The following MDFIC2 variants were observed in gnomAD, a reference collection of about 807,000 sequenced individuals.
MDFIC2 encodes the protein MyoD family inhibitor domain containing 2.
chr3:70,297,532 A>G (rs1702302075), intron 2 of MDFIC2, among the ~76,000 whole-genome samples: 2 of 152,152 alleles, frequency 1.3e-5, no homozygotes, highest in Non-Finnish European at 2.9e-5. Flanking sequence ...ATGAAGGCTT[A>G]TTATTGCATA....
rs145155593 is a variant in MDFIC2, at chr3:70,243,708, A to T, written c.89-36918T>A. ...CAGGTATTCCTAACGTCCCCTGGGGAGTGAAATCACCCTCAGTTGGGCATC... is the reference window on the plus strand; with the variant it reads ...CAGGTATTCCTAACGTCCCCTGGGGTGTGAAATCACCCTCAGTTGGGCATC... On this transcript the variant is annotated intron_variant, in intron 2 of 3. Transcript: ENST00000567252. Among the ~76,000 whole-genome samples the T allele has an allele frequency of 5.4e-3, 821 of 152,186 alleles. 4 individuals are homozygous for T. Among genetic ancestry groups the T allele is most frequent in the African/African-American group, 0.019 (780 of 41,518 alleles).
rs1374206707 is a variant in MDFIC2 at position 70,285,658 on chromosome 3, G to C, written c.88+26228C>G. ...ACTGACTTCCACAATGGTTGAACTA[G>C]TTTACAGTCCCACCAACAGTGTAAA... On this transcript the variant is annotated intron_variant, in intron 2 of 3. Transcript: ENST00000567252. Among the ~76,000 whole-genome samples, 4 of 150,236 alleles carry C rather than the reference G, an allele frequency of 2.7e-5. No homozygotes were observed. In the East Asian group the frequency reaches 7.9e-4, roughly 30 times the overall value.
chr3:70,304,030 A>C (rs1321315443), intron 2 of MDFIC2, among the ~76,000 whole-genome samples: 1 of 152,166 alleles, frequency 6.6e-6, no homozygotes, highest in Admixed American at 6.6e-5. Context: ...GTTTACTACA[A>C]TATAAACTAT....
chr3:70,209,877 GCA>G (rs1242403273), intron 2 of MDFIC2, among the ~76,000 whole-genome samples: 5 of 151,952 alleles, frequency 3.3e-5, no homozygotes, highest in African/African-American at 1.2e-4. Flanking sequence ...TACCTTCTTT[GCA>G]CACTCAGGGA....
chr3:70,282,628 T>A (rs1376739342), intron 2 of MDFIC2, among the ~76,000 whole-genome samples: 1 of 152,192 alleles, frequency 6.6e-6, no homozygotes, highest in African/African-American at 2.4e-5. Flanking sequence ...TTTCTAGATC[T>A]AAACATGGTT....
intron 2 of MDFIC2, among the ~76,000 whole-genome samples, chr3:70,216,144 GTATAT>G (rs1701409607): frequency 6.0e-5 from 9 of 151,220 alleles, no homozygotes; most frequent in Non-Finnish European, 8.8e-5. Flanking sequence ...AGATGTATAT[GTATAT>G]ATCTACATAT....
At chr3:70,257,494 AAAG>A (rs796219398) in intron 2 of MDFIC2, among the ~76,000 whole-genome samples, 35 of 152,218 alleles carry the variant, frequency 2.3e-4, no homozygotes, top group African/African-American at 7.0e-4. Context: ...GGAGGAAGGG[AAAG>A]AAGGGAAGAA....
chr3:70,311,066 A>T (rs1035445473), intron 2 of MDFIC2, among the ~76,000 whole-genome samples: 1 of 152,190 alleles, frequency 6.6e-6, no homozygotes, highest in African/African-American at 2.4e-5. Context: ...TATTGTTATC[A>T]TTATTTTGGT....
chr3:70,279,553 C>T (rs1237703218), intron 2 of MDFIC2, among the ~76,000 whole-genome samples: 1 of 152,152 alleles, frequency 6.6e-6, no homozygotes. Flanking sequence ...CCCATCATCA[C>T]CTTTCCTGGC....
At chr3:70,283,630 G>T (rs1213736034) in intron 2 of MDFIC2, 1 of 151,944 alleles carries the variant, frequency 6.6e-6, no homozygotes, top group African/African-American at 2.4e-5. Flanking sequence ...CAGATTAAAG[G>T]GATTCATGCT....
chr3:70,297,940 G>A (rs1314942155), intron 2 of MDFIC2, among the ~76,000 whole-genome samples: 1 of 152,030 alleles, frequency 6.6e-6, no homozygotes, highest in African/African-American at 2.4e-5. Context: ...TTAGAGAGTG[G>A]TCTCTTACTC....
chr3:70,204,216 G>A (rs573287950), intron 3 of MDFIC2, among the ~76,000 whole-genome samples: 2 of 152,126 alleles, frequency 1.3e-5, no homozygotes, highest in Non-Finnish European at 2.9e-5. Flanking sequence ...CAAACTACAT[G>A]AAAGTGGATG....
At position 70,303,420 on chromosome 3, in the gene MDFIC2, C is replaced by T. The variant is rs374200888; in HGVS notation, c.88+8466G>A. On this transcript the variant is annotated intron_variant, in intron 2 of 3. Coordinates refer to ENST00000567252, the MANE Select transcript of MDFIC2 (RefSeq NM_001364677.1). ...GAGAATAGGAGGAAAAAAAATTATG[C>T]GGAGCTAATTAATTCCAGAAGTGGC... Among the ~76,000 whole-genome samples the T allele has an allele frequency of 2.0e-3, 298 of 152,186 alleles. 2 individuals are homozygous for T. The highest frequency in any genetic ancestry group is 6.8e-3 in the African/African-American group (283 of 41,532).
At chr3:70,211,091 T>C (rs1297759202) in intron 2 of MDFIC2, among the ~76,000 whole-genome samples, 3 of 152,282 alleles carry the variant, frequency 2.0e-5, no homozygotes, top group South Asian at 2.1e-4. Flanking sequence ...TGACTCTTCA[T>C]AGATAAAAGC....
chr3:70,205,266 A>T (rs540047545), intron 3 of MDFIC2: 1 of 152,192 alleles, frequency 6.6e-6, no homozygotes, highest in South Asian at 2.1e-4. Context: ...TACTGTGTCG[A>T]GGTAGTGACA....
intron 2 of MDFIC2, among the ~76,000 whole-genome samples, chr3:70,231,089 ATTG>A (rs1055750408): frequency 6.6e-6 from 1 of 152,136 alleles, no homozygotes; most frequent in Non-Finnish European, 1.5e-5. Flanking sequence ...TAACAGCTCT[ATTG>A]TTATCAATTG....
intron 2 of MDFIC2, among the ~76,000 whole-genome samples, chr3:70,214,998 T>C (rs993741428): frequency 2.6e-5 from 4 of 152,150 alleles, no homozygotes; most frequent in Non-Finnish European, 4.4e-5. Flanking sequence ...TGATTGGTAT[T>C]ACATATACAG....
At chr3:70,226,882 G>C (rs753631451) in intron 2 of MDFIC2, among the ~76,000 whole-genome samples, 1 of 152,136 alleles carries the variant, frequency 6.6e-6, no homozygotes, top group East Asian at 1.9e-4. Flanking sequence ...GATGGAAAAG[G>C]AGAGAAGAGG....
At chr3:70,210,798 T>G (rs889358018) in intron 2 of MDFIC2, among the ~76,000 whole-genome samples, 1 of 151,902 alleles carries the variant, frequency 6.6e-6, no homozygotes, top group Non-Finnish European at 1.5e-5. Flanking sequence ...AAAATTAAAG[T>G]GAATGTTAAA....
Sources: gnomAD v4.1 joint callset for allele counts (sites outside exome capture counted in the v4.1 genomes callset) on GRCh38, gnomAD v4.1.1 for gene constraint, MANE v1.5 for transcripts, NCBI Gene and HGNC (gene_info 2026-07-23, HGNC 2026-07-21) for gene names.